Variants in ATE1 observed in about 807,000 individuals in gnomAD.
The protein encoded by ATE1 is arginyl-tRNA--protein transferase 1.
ATE1 carries 36 observed loss-of-function variants against 70.5 expected under a neutral mutation model. The ratio of observed to expected loss-of-function variants is 0.51; its 90% confidence interval spans 0.39 to 0.67. ATE1 has a LOEUF of 0.67. Among genes scored for constraint, ATE1 ranks in the 30% least tolerant of loss-of-function variants. The pLI, the probability that ATE1 is intolerant of heterozygous loss-of-function variation, is 0.00. For synonymous variants in ATE1, 232 were observed against 219.3 expected (o/e 1.06, Z -0.51); for missense variants, 593 against 629.5 (o/e 0.94, Z 0.62).
intron 7 of ATE1, among the ~76,000 whole-genome samples, chr10:121,885,984 A>G (rs1435397420): frequency 1.3e-5 from 2 of 152,118 alleles, no homozygotes; most frequent in African/African-American, 2.4e-5. Flanking sequence ...TATATGCCAG[A>G]GTTAAATATT....
chr10:121,920,521 C>CAA (rs201546841), intron 3 of ATE1, among the ~76,000 whole-genome samples: 10 of 132,714 alleles, frequency 7.5e-5, no homozygotes, highest in South Asian at 2.4e-4. Flanking sequence ...GACCCTGTCT[C>CAA]AAAAAAAAAA....
intron 7 of ATE1, among the ~76,000 whole-genome samples, chr10:121,880,616 T>C (rs1482465085): frequency 1.3e-5 from 2 of 150,988 alleles, no homozygotes; most frequent in Non-Finnish European, 2.9e-5. Flanking sequence ...TATACAAATA[T>C]ATTCCCTATT....
chr10:121,876,426 T>A (rs1335088191), intron 7 of ATE1, among the ~76,000 whole-genome samples: 1 of 152,220 alleles, frequency 6.6e-6, no homozygotes, highest in Non-Finnish European at 1.5e-5. Flanking sequence ...GGTTATTCAC[T>A]AATATCTACC....
chr10:121,797,589 TA>T (rs35428247), intron 10 of ATE1, among the ~76,000 whole-genome samples: 57,690 of 145,076 alleles, frequency 0.4, 12,083 homozygotes, highest in Middle Eastern at 0.48. Flanking sequence ...TGAGTGGGAG[TA>T]AAAAAAAAAA....
chr10:121,927,649 G>C (rs560642905), intron 1 of ATE1, among the ~76,000 whole-genome samples, 195 bp downstream of exon 1: 5 of 152,272 alleles, frequency 3.3e-5, no homozygotes, highest in African/African-American at 1.2e-4. Flanking sequence ...GCACCGGTTA[G>C]GATTTTCCTG....
At chr10:121,815,618 G>T (rs1009545786) in intron 10 of ATE1, among the ~76,000 whole-genome samples, 2 of 152,152 alleles carry the variant, frequency 1.3e-5, no homozygotes, top group African/African-American at 4.8e-5. Flanking sequence ...GCTGCACAGG[G>T]TCATGAATTA....
rs549610782 is a variant in ATE1 at position 121,806,102 on chromosome 10, T to C, written c.1258-15813A>G. On this transcript the variant is annotated intron_variant, in intron 10 of 11. Coordinates refer to ENST00000224652, the MANE Select transcript of ATE1 (RefSeq NM_001001976.3). ...ATTCAAATTACAGGAGACTAAACTC[T>C]TCAAAACTGTTGATGTCATGAAACC... 3.3e-5 allele frequency among the ~76,000 whole-genome samples: 5 copies of C among 152,306 alleles called. No homozygotes were observed. In the South Asian group the frequency reaches 1.0e-3, roughly 32 times the overall value.
At chr10:121,762,656 G>A (rs1789976974) in intron 11 of ATE1, among the ~76,000 whole-genome samples, 1 of 152,166 alleles carries the variant, frequency 6.6e-6, no homozygotes, top group South Asian at 2.1e-4. Context: ...CGTGTGCCCT[G>A]CGAGGGGATG....
chr10:121,900,359 G>A (rs1038832547), intron 6 of ATE1, among the ~76,000 whole-genome samples: 5 of 152,008 alleles, frequency 3.3e-5, no homozygotes, highest in Non-Finnish European at 7.4e-5. Flanking sequence ...TTCTAAGAAA[G>A]ACTAAAAATA....
chr10:121,831,261 T>C (rs1423632218), intron 10 of ATE1, among the ~76,000 whole-genome samples: 1 of 152,214 alleles, frequency 6.6e-6, no homozygotes, highest in Non-Finnish European at 1.5e-5. Flanking sequence ...TAAGCAGCAC[T>C]ACACACATAC....
At chr10:121,894,471 T>C (rs1950699000) in intron 7 of ATE1, among the ~76,000 whole-genome samples, 5 of 152,292 alleles carry the variant, frequency 3.3e-5, no homozygotes, top group Admixed American at 3.3e-4. Context: ...AAAATAGATT[T>C]GCACCAGGAA....
At chr10:121,785,741 G>A (rs1946178682) in intron 11 of ATE1, among the ~76,000 whole-genome samples, 1 of 152,184 alleles carries the variant, frequency 6.6e-6, no homozygotes, top group African/African-American at 2.4e-5. Flanking sequence ...AGGTGTGTTA[G>A]AAATTCACTA....
At chr10:121,810,939 G>A (rs1947295527) in intron 10 of ATE1, among the ~76,000 whole-genome samples, 1 of 152,114 alleles carries the variant, frequency 6.6e-6, no homozygotes, top group South Asian at 2.1e-4. Context: ...CTGACCTCGA[G>A]ATCCACAAAC....
intron 7 of ATE1, among the ~76,000 whole-genome samples, chr10:121,897,539 T>C (rs1239841543): frequency 2.0e-5 from 3 of 152,102 alleles, no homozygotes; most frequent in Non-Finnish European, 4.4e-5. Context: ...GTTTAAGATG[T>C]AGATTCTGGC....
At chr10:121,859,022 G>A (rs1158663494) in intron 8 of ATE1, among the ~76,000 whole-genome samples, 1 of 151,834 alleles carries the variant, frequency 6.6e-6, no homozygotes, top group African/African-American at 2.4e-5. Flanking sequence ...TTGAACCTGG[G>A]AGGTGGAGGA....
At chr10:121,754,658 A>C (rs2135733696) in intron 11 of ATE1, among the ~76,000 whole-genome samples, 1 of 152,310 alleles carries the variant, frequency 6.6e-6, no homozygotes. Flanking sequence ...TGAGGCAAGA[A>C]TCGTCAATGG....
At chr10:121,780,191 C>T (rs910588728) in intron 11 of ATE1, among the ~76,000 whole-genome samples, 4 of 152,196 alleles carry the variant, frequency 2.6e-5, no homozygotes, top group African/African-American at 7.2e-5. Context: ...ACCTTTACTT[C>T]CACATGTCCA....
rs1294801479 is a variant in ATE1 at position 121,800,381 on chromosome 10, AC to A, written c.1258-10093del. Among the ~76,000 whole-genome samples the A allele has an allele frequency of 3.5e-4, 53 of 152,228 alleles. 2 individuals are homozygous for A. Among genetic ancestry groups the A allele is most frequent in the Admixed American group, 3.5e-3 (53 of 15,282 alleles). ...GCAATAAAATTGAAGTTACCAATTC[AC>A]GCCCTGCCATTTTGATGGCACTTTG... is the stretch of plus-strand genomic sequence containing the variant. On this transcript the variant is annotated intron_variant, in intron 10 of 11. Transcript: ENST00000224652.
intron 7 of ATE1, among the ~76,000 whole-genome samples, chr10:121,888,289 G>C (rs944589101): frequency 3.9e-5 from 6 of 152,134 alleles, no homozygotes; most frequent in Admixed American, 2.6e-4. Context: ...AGCTACTCGG[G>C]AGGCTGAGAC....
Sources: allele counts gnomAD v4.1 joint callset (sites outside exome capture counted in the v4.1 genomes callset), GRCh38; gene constraint gnomAD v4.1.1; transcripts MANE v1.5; gene names NCBI Gene and HGNC (gene_info 2026-07-23, HGNC 2026-07-21).